Variants in PLBD1 observed in about 807,000 individuals in gnomAD.
PLBD1 encodes the protein phospholipase B domain containing 1, also known as lysosomal leucine aminopeptidase.
Under a neutral mutation model 63.0 loss-of-function variants are expected in PLBD1, and 60 were observed. That is an observed-to-expected ratio of 0.95 (90% CI 0.77 to 1.18). The LOEUF is 1.18. PLBD1 is among the 50% of genes most tolerant of loss of function. The pLI is 0.00. For synonymous variants in PLBD1, 262 were observed against 248.0 expected (o/e 1.06, Z -0.53); for missense variants, 598 against 677.9 (o/e 0.88, Z 1.31).
intron 4 of PLBD1, among the ~76,000 whole-genome samples, chr12:14,539,901 C>G (rs1021977002): frequency 1.4e-5 from 2 of 146,686 alleles, no homozygotes; most frequent in African/African-American, 5.1e-5. Flanking sequence ...TATATATACA[C>G]ACATATATAC....
chr12:14,553,891 G>A (rs898112260), intron 1 of PLBD1: 6 of 169,394 alleles, frequency 3.5e-5, no homozygotes, highest in South Asian at 1.5e-4. Context: ...GGGGACACCC[G>A]CCTAGCCAGC....
At chr12:14,533,446 G>A (rs1160196061) in intron 6 of PLBD1, among the ~76,000 whole-genome samples, 1 of 152,150 alleles carries the variant, frequency 6.6e-6, no homozygotes, top group Non-Finnish European at 1.5e-5. Flanking sequence ...ATCTCATCTG[G>A]AAGGATACAT....
chr12:14,522,156 A>G (rs983513934), intron 6 of PLBD1, among the ~76,000 whole-genome samples: 4 of 152,180 alleles, frequency 2.6e-5, no homozygotes, highest in African/African-American at 9.6e-5. Context: ...GAGAGGGAGA[A>G]GAGATGGAGA....
intron 1 of PLBD1, among the ~76,000 whole-genome samples, chr12:14,567,128 C>T (rs913371182): frequency 2.6e-5 from 4 of 152,088 alleles, no homozygotes; most frequent in Admixed American, 2.0e-4. Flanking sequence ...GCCCTTAAGC[C>T]CACTGCCAGG....
chr12:14,518,876 A>C lies in PLBD1; in HGVS notation c.845-7165T>G, dbSNP rs535284547. On this transcript the variant is annotated intron_variant, in intron 6 of 10. Transcript: ENST00000240617. Reference sequence around the variant, plus strand: ...CCTGAAGGTTAGTAAAACCTTCTAAAAGGAGCTCTTGTGCTACTCTTTGTT... The same window carrying C: ...CCTGAAGGTTAGTAAAACCTTCTAACAGGAGCTCTTGTGCTACTCTTTGTT... Among the ~76,000 whole-genome samples the C allele has an allele frequency of 7.0e-4, 107 of 152,278 alleles. 1 individual carries two copies. The highest frequency in any genetic ancestry group is 2.4e-3 in the African/African-American group (99 of 41,540).
intron 6 of PLBD1, among the ~76,000 whole-genome samples, chr12:14,533,737 C>T (rs1050136994): frequency 6.6e-6 from 1 of 152,144 alleles, no homozygotes; most frequent in Non-Finnish European, 1.5e-5. Context: ...GTCCCCAGTC[C>T]CCCTCAATGC....
intron 1 of PLBD1, 155 bp from the exon 2 acceptor site, chr12:14,553,567 A>G (rs1945677687): frequency 8.8e-6 from 6 of 681,520 alleles, no homozygotes; most frequent in Middle Eastern, 3.8e-4. Flanking sequence ...CTTAATTCCA[A>G]GTGGGGAAAA....
intron 1 of PLBD1, among the ~76,000 whole-genome samples, chr12:14,559,317 CATTT>C (rs1263518433): frequency 6.6e-6 from 1 of 151,876 alleles, no homozygotes; most frequent in Non-Finnish European, 1.5e-5. Flanking sequence ...AAAAGAAAGC[CATTT>C]ATTTATTTAT....
chr12:14,556,989 CAAAAAAAA>C (rs71038607), intron 1 of PLBD1, among the ~76,000 whole-genome samples: 58 of 76,302 alleles, frequency 7.6e-4, no homozygotes, highest in African/African-American at 2.5e-3. Flanking sequence ...AATTCCCTCT[CAAAAAAAA>C]AAAAAAAAAA....
chr12:14,541,153 T>C (rs1482407276), intron 3 of PLBD1, among the ~76,000 whole-genome samples: 2 of 152,208 alleles, frequency 1.3e-5, no homozygotes, highest in South Asian at 2.1e-4. Context: ...ATAAGTGTGA[T>C]AGTGACCTAA....
At chr12:14,537,099 A>AT (rs1169656818) in intron 4 of PLBD1, among the ~76,000 whole-genome samples, 1 of 152,054 alleles carries the variant, frequency 6.6e-6, no homozygotes. Context: ...AAAAAAAAAA[A>AT]AAAAAAAAAA....
At chr12:14,565,806 A>C (rs1945775926) in intron 1 of PLBD1, among the ~76,000 whole-genome samples, 1 of 152,190 alleles carries the variant, frequency 6.6e-6, no homozygotes, top group South Asian at 2.1e-4. Context: ...GCATCACCAG[A>C]TGTCCTTAAC....
chr12:14,509,009 C>T (rs1411036620), intron 8 of PLBD1, among the ~76,000 whole-genome samples: 1 of 151,454 alleles, frequency 6.6e-6, no homozygotes, highest in Non-Finnish European at 1.5e-5. Context: ...CCCGACGCCC[C>T]CGCCTTTTTA....
rs191761322 is a variant in PLBD1 at position 14,558,472 on chromosome 12, C to T, written c.116-5060G>A. Among the ~76,000 whole-genome samples, 1,182 of 152,206 alleles carry T rather than the reference C, an allele frequency of 7.8e-3. 9 individuals carry two copies. The highest frequency in any genetic ancestry group is 0.014 in the Middle Eastern group (4 of 294). On this transcript the variant is annotated intron_variant, in intron 1 of 10. Transcript: ENST00000240617. ...TCCATTTTTGACCATATATCCCCAG[C>T]TTTTCTCACACATTCCCTTCCACCC...
intron 4 of PLBD1, among the ~76,000 whole-genome samples, chr12:14,539,006 G>A (rs1297173840): frequency 3.3e-5 from 5 of 151,914 alleles, no homozygotes; most frequent in African/African-American, 4.8e-5. Context: ...GGGTGATATC[G>A]CGAGGCTCTG....
At chr12:14,506,116 C>G (rs561023570) in intron 10 of PLBD1, 46 bp downstream of exon 10, 5 of 1,368,878 alleles carry the variant, frequency 3.7e-6, no homozygotes, top group South Asian at 1.2e-5. Context: ...TTTGGAGAGG[C>G]CTGTGTGCTG....
At chr12:14,519,347 G>A (rs906509907) in intron 6 of PLBD1, among the ~76,000 whole-genome samples, 2 of 152,138 alleles carry the variant, frequency 1.3e-5, no homozygotes, top group African/African-American at 2.4e-5. Flanking sequence ...TGAGCCGGGC[G>A]TGGTGGCTCA....
chr12:14,508,996 G>A (rs534165092), intron 8 of PLBD1, among the ~76,000 whole-genome samples: 29 of 143,586 alleles, frequency 2.0e-4, no homozygotes, highest in African/African-American at 7.1e-4. Context: ...GCCCACCCCC[G>A]ACCCCGACGC....
At position 14,540,909 on chromosome 12, in the gene PLBD1, G is replaced by T; in HGVS notation, c.420-7C>A. 1 of 1,589,630 alleles carries T rather than the reference G, an allele frequency of 6.3e-7. No homozygotes were observed. The highest frequency in any genetic ancestry group is 8.6e-7 in the Non-Finnish European group (1 of 1,162,470). ...GGTCCACTTATCTTGCTTCCTGGAA[G>T]AGAAATTAGATTTGCACCACAGTCT... On this transcript the variant is annotated splice_polypyrimidine_tract_variant and splice_region_variant and intron_variant, in intron 3 of 10. Coordinates refer to ENST00000240617, the MANE Select transcript of PLBD1 (RefSeq NM_024829.6).
Sources: gnomAD v4.1 joint callset for allele counts (sites outside exome capture counted in the v4.1 genomes callset) on GRCh38, gnomAD v4.1.1 for gene constraint, MANE v1.5 for transcripts, NCBI Gene and HGNC (gene_info 2026-07-23, HGNC 2026-07-21) for gene names.